PIWIL1: variants seen among roughly 807,000 people sequenced by gnomAD.
PIWIL1 encodes piwi-like protein 1.
In PIWIL1, 73 loss-of-function variants were observed where a neutral mutation model predicts 114.4. That is an observed-to-expected ratio of 0.64 (90% CI 0.53 to 0.78). The LOEUF is 0.78. PIWIL1 is among the 30% of genes least tolerant of loss of function. The probability of loss-of-function intolerance (pLI) is 0.00; values close to 1 mark genes in which losing one functional copy is unlikely to be tolerated. For synonymous variants in PIWIL1, 375 were observed against 369.0 expected (o/e 1.02, Z -0.19); for missense variants, 723 against 1,063.1 (o/e 0.68, Z 4.45).
chr12:130,414,125 C>T, the PIWIL1 span: 1 of 1,614,140 alleles, frequency 6.2e-7, no homozygotes, highest in Non-Finnish European at 8.5e-7. Context: ...CATCCCGCAC[C>T]TTGATGATCT....
the PIWIL1 span, among the ~76,000 whole-genome samples, chr12:130,392,362 GT>G: frequency 2.6e-5 from 4 of 151,836 alleles, no homozygotes; most frequent in African/African-American, 9.7e-5. Flanking sequence ...TGATGACCCG[GT>G]CACCGTCATC....
chr12:130,354,480 C>A, intron 9 of PIWIL1, 57 bp from the exon 10 acceptor site: 10 of 1,608,284 alleles, frequency 6.2e-6, no homozygotes, highest in Non-Finnish European at 8.5e-6. Flanking sequence ...TTTTTGCCCA[C>A]TGAGATGCTA....
the PIWIL1 span, among the ~76,000 whole-genome samples, chr12:130,411,928 T>G: frequency 5.3e-5 from 8 of 152,320 alleles, no homozygotes; most frequent in African/African-American, 1.9e-4. Context: ...TAATCAAGTT[T>G]TGAAGTATTA....
At chr12:130,356,553 A>C (rs1235886367) in intron 12 of PIWIL1, among the ~76,000 whole-genome samples, 2 of 152,186 alleles carry the variant, frequency 1.3e-5, no homozygotes, top group Non-Finnish European at 2.9e-5. Context: ...ACCTCAGTCA[A>C]GTTGTTTTAC....
At chr12:130,417,225 TGCCATTACTGGGTATATACC>T in the PIWIL1 span, among the ~76,000 whole-genome samples, 2 of 152,142 alleles carry the variant, frequency 1.3e-5, no homozygotes, top group Non-Finnish European at 2.9e-5. Flanking sequence ...GACACACCAG[TGCCATTACTGGGTATATACC>T]CAAAGGAAAA....
At chr12:130,354,830 T>C in intron 10 of PIWIL1, 58 bp from the exon 11 acceptor site, 1 of 1,429,456 alleles carries the variant, frequency 7.0e-7, no homozygotes, top group Non-Finnish European at 9.8e-7. Context: ...TATACTCCAG[T>C]TATTTAGACC....
chr12:130,380,459 G>C, the PIWIL1 span, among the ~76,000 whole-genome samples: 8,803 of 152,314 alleles, frequency 0.058, 290 homozygotes, highest in Middle Eastern at 0.15. Context: ...CTGAGCCTCT[G>C]AAACCAAGAG....
rs373499866 is a variant in PIWIL1 at position 130,339,289 on chromosome 12, C to T, written c.-13+1143C>T. 1.6e-4 allele frequency among the ~76,000 whole-genome samples: 24 copies of T among 152,150 alleles called. 1 individual carries two copies. The highest frequency in any genetic ancestry group is 9.2e-4 in the Admixed American group (14 of 15,286). On this transcript the variant is annotated intron_variant, in intron 1 of 20. Transcript: ENST00000245255. Reference sequence around the variant, plus strand: ...GGGCGGTGGCGTCCTGGGATGGATGCTCTCGCCGTCTTCAGCCCCGGCGGC... The same window carrying T: ...GGGCGGTGGCGTCCTGGGATGGATGTTCTCGCCGTCTTCAGCCCCGGCGGC...
the PIWIL1 span, chr12:130,421,037 C>G: frequency 9.9e-5 from 15 of 152,226 alleles, no homozygotes; most frequent in East Asian, 9.6e-4. Flanking sequence ...ACCCTAACCA[C>G]AGAGAGAGAA....
chr12:130,338,757 TGCAGGG>T (rs2136112007), intron 1 of PIWIL1, among the ~76,000 whole-genome samples: 1 of 98,176 alleles, frequency 1.0e-5, no homozygotes, highest in Admixed American at 1.1e-4. Context: ...GAGCCTGGGG[TGCAGGG>T]GCCGGGGTGC....
chr12:130,375,799 C>A (rs113421424), downstream of PIWIL1, among the ~76,000 whole-genome samples: 1,438 of 152,140 alleles, frequency 9.5e-3, 19 homozygotes, highest in African/African-American at 0.032. Context: ...CTTTCCTCCC[C>A]ATCCTCTCTT....
At chr12:130,371,446 C>CTAGA (rs1170484340) in intron 20 of PIWIL1, 36 bp from the exon 21 acceptor site, 11 of 1,608,512 alleles carry the variant, frequency 6.8e-6, no homozygotes, top group Non-Finnish European at 9.4e-6. Flanking sequence ...GAGGCTAAGT[C>CTAGA]TAGAGTAATA....
chr12:130,355,463 T>G, intron 11 of PIWIL1, 90 bp from the exon 12 acceptor site: 1 of 943,790 alleles, frequency 1.1e-6, no homozygotes, highest in Non-Finnish European at 1.7e-6. Flanking sequence ...GACATTGGAG[T>G]GTGTTGTAGG....
the PIWIL1 span, among the ~76,000 whole-genome samples, chr12:130,412,046 T>C: frequency 1.5e-3 from 233 of 152,270 alleles, 4 homozygotes; most frequent in Non-Finnish European, 3.8e-4. Context: ...GACATTGTTA[T>C]TGCACGTGGA....
downstream of PIWIL1, among the ~76,000 whole-genome samples, chr12:130,373,590 C>T (rs2073844683): frequency 1.3e-5 from 2 of 152,128 alleles, no homozygotes; most frequent in Admixed American, 6.5e-5. Context: ...TAGACATCAC[C>T]TGGTTGGGTT....
the PIWIL1 span, chr12:130,399,236 A>G: frequency 2.4e-6 from 2 of 823,796 alleles, no homozygotes; most frequent in Non-Finnish European, 3.3e-6. Context: ...TGCAGTGATG[A>G]AATAAAATAA....
the PIWIL1 span, among the ~76,000 whole-genome samples, chr12:130,420,646 C>A: frequency 6.6e-6 from 1 of 152,088 alleles, no homozygotes; most frequent in Non-Finnish European, 1.5e-5. The surrounding 1 kb of genome is among the most constrained non-coding windows in gnomAD (Gnocchi z 4.3). Flanking sequence ...CAATACTGAT[C>A]TAGGAAAATA....
intron 13 of PIWIL1, 110 bp downstream of exon 13, chr12:130,357,215 G>A: frequency 7.8e-6 from 7 of 892,974 alleles, no homozygotes; most frequent in Non-Finnish European, 1.2e-5. Context: ...GTTTGATGTG[G>A]CTCCCTGTAA....
the PIWIL1 span, among the ~76,000 whole-genome samples, chr12:130,415,063 A>C: frequency 6.6e-6 from 1 of 152,330 alleles, no homozygotes; most frequent in Middle Eastern, 3.4e-3. Context: ...TGAAGCCAAC[A>C]TCACCCTGAT....
Sources: allele counts gnomAD v4.1 joint callset (sites outside exome capture counted in the v4.1 genomes callset), GRCh38; gene constraint gnomAD v4.1.1; non-coding constraint Gnocchi (gnomAD v3.1); transcripts MANE v1.5; gene names NCBI Gene and HGNC (gene_info 2026-07-23, HGNC 2026-07-21).